PDE3A: variants seen among roughly 807,000 people sequenced by gnomAD.
The protein encoded by PDE3A is phosphodiesterase 3A.
PDE3A carries 43 observed loss-of-function variants against 98.3 expected under a neutral mutation model. That is an observed-to-expected ratio of 0.44 (90% confidence interval 0.34 to 0.56). The LOEUF is 0.56. Among genes scored for constraint, PDE3A ranks in the 20% least tolerant of loss-of-function variants. The pLI is 0.01. For synonymous variants in PDE3A, 663 were observed against 567.9 expected (o/e 1.17, Z -2.38); for missense variants, 1,427 against 1,440.7 (o/e 0.99, Z 0.15).
chr12:20,475,168 AAT>A (rs1491514960), intron 1 of PDE3A, among the ~76,000 whole-genome samples: 11 of 99,412 alleles, frequency 1.1e-4, no homozygotes, highest in African/African-American at 3.8e-4. Flanking sequence ...GAGAGGAAAA[AAT>A]GTGTGTGAGT....
At position 20,552,310 on chromosome 12, in the gene PDE3A, G is replaced by A; in HGVS notation, c.961-4350G>A. The A allele has an allele frequency of 1.2e-6, 2 of 1,613,918 alleles. No individual in the cohort carries two copies. Among genetic ancestry groups the A allele is most frequent in the Non-Finnish European group, 1.7e-6 (2 of 1,179,882 alleles). On this transcript the variant is annotated intron_variant, in intron 1 of 15. Coordinates refer to ENST00000359062, the MANE Select transcript of PDE3A (RefSeq NM_000921.5). This position sits in a 1 kb window ranked among gnomAD's most constrained non-coding sequence, Gnocchi z 5.1. Reference sequence around the variant, plus strand: ...CAACCGCTACGATGGCATCTACAAGGTTGTGAAATACTGGCCCGAGAAGGG... The same window carrying A: ...CAACCGCTACGATGGCATCTACAAGATTGTGAAATACTGGCCCGAGAAGGG...
At chr12:20,606,378 T>G (rs76021746) in intron 2 of PDE3A, among the ~76,000 whole-genome samples, 5,656 of 152,288 alleles carry the variant, frequency 0.037, 139 homozygotes, top group Non-Finnish European at 0.054. Flanking sequence ...TTTTACATTC[T>G]GTTCGTAACT....
chr12:20,638,015 A>G (rs912430615), intron 9 of PDE3A, among the ~76,000 whole-genome samples: 5 of 152,202 alleles, frequency 3.3e-5, no homozygotes, highest in Non-Finnish European at 7.4e-5. Flanking sequence ...AAATTTGAAT[A>G]AGTATCACAG....
intron 1 of PDE3A, among the ~76,000 whole-genome samples, chr12:20,535,987 T>C (rs751923575): frequency 2.0e-5 from 3 of 152,092 alleles, no homozygotes; most frequent in Non-Finnish European, 2.9e-5. Flanking sequence ...ATCTCTTCAG[T>C]GGAGTATTAT....
At chr12:20,430,309 A>ATTTT (rs962795275) in intron 1 of PDE3A, among the ~76,000 whole-genome samples, 1 of 151,672 alleles carries the variant, frequency 6.6e-6, no homozygotes, top group Non-Finnish European at 1.5e-5. Context: ...AGGCCAAATG[A>ATTTT]TTTTTTTTTA....
At chr12:20,371,410 A>G in intron 1 of PDE3A, 1 of 983,150 alleles carries the variant, frequency 1.0e-6, no homozygotes, top group Non-Finnish European at 1.2e-6. Flanking sequence ...TTTTCCCTTT[A>G]AATTAATGCC....
chr12:20,579,556 C>G (rs1943017617), intron 2 of PDE3A, among the ~76,000 whole-genome samples: 1 of 152,116 alleles, frequency 6.6e-6, no homozygotes, highest in Non-Finnish European at 1.5e-5. Context: ...CTTCATCTAC[C>G]TTCGAAATAT....
chr12:20,606,382 C>T (rs567548729), intron 2 of PDE3A, among the ~76,000 whole-genome samples: 18 of 152,156 alleles, frequency 1.2e-4, no homozygotes, highest in South Asian at 6.2e-4. Context: ...ACATTCTGTT[C>T]GTAACTTGGT....
At chr12:20,596,595 A>C (rs919936256) in intron 2 of PDE3A, among the ~76,000 whole-genome samples, 18 of 152,312 alleles carry the variant, frequency 1.2e-4, no homozygotes, top group Admixed American at 7.2e-4. Flanking sequence ...AGAAGTCTCC[A>C]CAAGAATCCA....
intron 1 of PDE3A, among the ~76,000 whole-genome samples, chr12:20,434,501 G>C (rs1306783562): frequency 6.6e-6 from 1 of 152,110 alleles, no homozygotes; most frequent in African/African-American, 2.4e-5. Flanking sequence ...ACCTGGTAAG[G>C]ATCAGGACCA....
chr12:20,385,856 T>C (rs1486727805), intron 1 of PDE3A, among the ~76,000 whole-genome samples: 3 of 147,350 alleles, frequency 2.0e-5, no homozygotes, highest in African/African-American at 7.6e-5. Context: ...AGTTAATGGG[T>C]GCAGCACACC....
At chr12:20,522,822 C>G (rs1038036751) in intron 1 of PDE3A, among the ~76,000 whole-genome samples, 1 of 151,894 alleles carries the variant, frequency 6.6e-6, no homozygotes, top group African/African-American at 2.4e-5. Flanking sequence ...CAGGGAAAAG[C>G]AGACTTTGGG....
intron 2 of PDE3A, among the ~76,000 whole-genome samples, chr12:20,603,282 C>T (rs919984405): frequency 4.7e-5 from 6 of 127,908 alleles, no homozygotes; most frequent in Non-Finnish European, 8.9e-5. Flanking sequence ...CAGGGTGCCT[C>T]CCAGGATGAC....
intron 1 of PDE3A, among the ~76,000 whole-genome samples, chr12:20,456,143 C>T (rs548012439): frequency 4.3e-4 from 66 of 152,162 alleles, no homozygotes; most frequent in African/African-American, 1.4e-3. Context: ...AGCACTCCTT[C>T]GATGAGCAGG....
intron 1 of PDE3A, chr12:20,551,700 G>C (rs554778419): frequency 1.2e-6 from 2 of 1,613,084 alleles, no homozygotes; most frequent in Non-Finnish European, 1.7e-6. Context: ...GCGAGGACGA[G>C]TGGTACTGCC....
intron 15 of PDE3A, among the ~76,000 whole-genome samples, chr12:20,678,845 G>A (rs1265936634): frequency 6.6e-6 from 1 of 152,198 alleles, no homozygotes; most frequent in Non-Finnish European, 1.5e-5. Flanking sequence ...TTGTAGACTG[G>A]TTGTGAGGGC....
At chr12:20,525,372 C>G (rs1946497586) in intron 1 of PDE3A, among the ~76,000 whole-genome samples, 1 of 151,280 alleles carries the variant, frequency 6.6e-6, no homozygotes, top group Non-Finnish European at 1.5e-5. Context: ...ATGTTGCCAA[C>G]AAGATGGAGT....
In PDE3A at chr12:20,613,559, C is replaced by A; in HGVS notation, c.1128C>A (p.Ala376=). The A allele has an allele frequency of 6.2e-7, 1 of 1,614,152 alleles. No homozygotes were observed. Residue 376 remains alanine, a synonymous_variant, in exon 3 of 16, where the codon GCC becomes GCA. Coordinates refer to ENST00000359062, the MANE Select transcript of PDE3A (RefSeq NM_000921.5). ...CAAACGTGTGCACATCCTTGAGAGC[C>A]GTGAGCAACTTGCTCAGCACACAGC... The part of the protein sequence containing the change: ...LPPNVCTSLR[A]VSNLLSTQLT...
At chr12:20,611,898 T>TA (rs11377123) in intron 2 of PDE3A, among the ~76,000 whole-genome samples, 17,794 of 149,694 alleles carry the variant, frequency 0.12, 1,321 homozygotes, top group East Asian at 0.2. Context: ...TAATGAAATT[T>TA]AAAAAAAAAA....
Sources: allele counts gnomAD v4.1 joint callset (sites outside exome capture counted in the v4.1 genomes callset), GRCh38; gene constraint gnomAD v4.1.1; non-coding constraint Gnocchi (gnomAD v3.1); transcripts MANE v1.5; gene names NCBI Gene and HGNC (gene_info 2026-07-23, HGNC 2026-07-21).